The following ZNF761 variants were observed in gnomAD, a reference collection of about 807,000 sequenced individuals.
ZNF761 encodes zinc finger protein 761.
In ZNF761, 43 loss-of-function variants were observed where a neutral mutation model predicts 59.9. The observed-to-expected ratio is 0.72, with a 90% confidence interval of 0.56 to 0.92. ZNF761 has a LOEUF of 0.92. Ranked by LOEUF, ZNF761 falls within the 40% of genes least tolerant of loss-of-function variation. ZNF761 has a pLI of 0.00. For missense variants in ZNF761, 850 were observed against 906.1 expected, an observed-to-expected ratio of 0.94 and a Z score of 0.79; for synonymous variants, 294 against 304.8, an observed-to-expected ratio of 0.96 and a Z score of 0.37.
At position 53,450,992 on chromosome 19, in the gene ZNF761, C is replaced by CAAA. The variant is rs34019664; in HGVS notation, c.142+1369_142+1371dup. On this transcript the variant is annotated intron_variant, in intron 4 of 4. Coordinates refer to ENST00000684525, the MANE Select transcript of ZNF761 (RefSeq NM_001289951.2). ...TGGGCGATAGCACGAGACTCTGTCT[C>CAAA]AAAAAAAAAAAAAAAAATTCCATAA... 5.7e-5 allele frequency among the ~76,000 whole-genome samples: 7 copies of CAAA among 122,006 alleles called. No homozygotes were observed. The South Asian group carries it at 1.2e-3, about 20-fold the overall frequency. The allele number at this position is 122,006 out of a possible 152,430, so 80.0% of individuals were successfully genotyped here.
chr19:53,444,728 T>C (rs1269022667), intron 1 of ZNF761: 3 of 152,230 alleles, frequency 2.0e-5, no homozygotes, highest in Non-Finnish European at 4.4e-5. Context: ...TGATGAGAAA[T>C]AGCCACAGGT....
Position 53,447,431 on chromosome 19 carries a change from C to T in ZNF761, c.15+148C>T, listed in dbSNP as rs1461183714. ...TGCCTTCCCTCAGTCCCTCTTATCT[C>T]GCTTAGATTCCATCTCTCGTGATCC... On this transcript the variant is annotated intron_variant, in intron 3 of 4. Transcript: ENST00000684525. 9.0e-6 allele frequency: 11 copies of T among 1,216,104 alleles called. No homozygotes were observed. The East Asian group carries it at 1.9e-4, about 21-fold the overall frequency. The allele number at this position is 1,216,104 out of a possible 1,614,324, so 75.3% of individuals were successfully genotyped here.
intron 1 of ZNF761, among the ~76,000 whole-genome samples, chr19:53,438,581 C>T (rs1392174213): frequency 6.6e-6 from 1 of 152,148 alleles, no homozygotes; most frequent in Non-Finnish European, 1.5e-5. Flanking sequence ...GGCTCCTTTT[C>T]CCCTCCTTTT....
At position 53,455,405 on chromosome 19, in the gene ZNF761, T is replaced by G; in HGVS notation, c.898T>G (p.Cys300Gly). ...TCATACTGGAGAGAAACCTTACAAA[T>G]GTGAAGAATGTGACAAAGCTTTCCA... ...RLHTGEKPYK[C>G]EECDKAFHFK... Residue 300 changes from cysteine to glycine, a missense_variant, in exon 5 of 5, where the codon TGT (cysteine) becomes GGT (glycine). By Grantham distance (159) the Cys-to-Gly change is radical (BLOSUM62 -3). Transcript: ENST00000684525. 2 of 1,613,702 alleles carry G rather than the reference T, an allele frequency of 1.2e-6. No individual in the cohort carries two copies. Among genetic ancestry groups the G allele is most frequent in the Non-Finnish European group, 1.7e-6 (2 of 1,179,944 alleles).
chr19:53,444,736 G>A (rs2086137202), intron 1 of ZNF761: 1 of 152,264 alleles, frequency 6.6e-6, no homozygotes, highest in African/African-American at 2.4e-5. Flanking sequence ...AATAGCCACA[G>A]GTGTGGAGGG....
rs1233225266 is a variant in ZNF761, at chr19:53,457,132, C to G, written c.*384C>G. 4 of 527,024 alleles carry G rather than the reference C, an allele frequency of 7.6e-6. No homozygotes were observed. The highest frequency in any genetic ancestry group is 1.5e-5 in the Non-Finnish European group (4 of 274,544). 32.6% of individuals were successfully genotyped at this position (527,024 alleles called of 1,614,324 possible). The stretch of plus-strand genomic sequence containing the variant: ...CAGTCAACACTTGTTTACCGTCAGG[C>G]AATCCATGGTGTAGGGAAACTTTAC... On this transcript the variant is annotated 3_prime_UTR_variant, in exon 5 of 5. Coordinates refer to ENST00000684525, the MANE Select transcript of ZNF761 (RefSeq NM_001289951.2).
Position 53,455,639 on chromosome 19 carries a change from G to A in ZNF761, c.1132G>A (p.Gly378Arg). 6.2e-7 allele frequency: 1 copy of A among 1,613,560 alleles called. No individual in the cohort carries two copies. The highest frequency in any genetic ancestry group is 8.5e-7 in the Non-Finnish European group (1 of 1,179,922). Residue 378 changes from glycine to arginine, a missense_variant, in exon 5 of 5, where the codon GGA becomes AGA. By Grantham distance (125) the Gly-to-Arg change is moderately radical (BLOSUM62 -2). Coordinates refer to ENST00000684525, the MANE Select transcript of ZNF761 (RefSeq NM_001289951.2). ...TACATGCCATCATAGACTTCATACT[G>A]GAGAGAAACCCTACAAATGTAATGA... ...SLTCHHRLHTGEKPYKCNECG... is the reference protein window; with the variant it reads ...SLTCHHRLHTREKPYKCNECG...
chr19:53,432,645 C>T (rs1225485757), intron 1 of ZNF761, among the ~76,000 whole-genome samples: 1 of 152,148 alleles, frequency 6.6e-6, no homozygotes, highest in East Asian at 1.9e-4. Context: ...ACTCCAAACC[C>T]TCCTGTGACT....
chr19:53,437,179 G>C (rs11667728), intron 1 of ZNF761, among the ~76,000 whole-genome samples: 1 of 151,970 alleles, frequency 6.6e-6, no homozygotes, highest in Non-Finnish European at 1.5e-5. Flanking sequence ...ATAGCCAGTC[G>C]TGTTGGCAGG....
In ZNF761 at chr19:53,457,453, A is replaced by G; in HGVS notation, c.*705A>G. On this transcript the variant is annotated 3_prime_UTR_variant, in exon 5 of 5. Transcript: ENST00000684525. ...CAAAGCCTTCACTTCACACCTCATG[A>G]GACATCAGAGAATGCATACTGGACA... The G allele has an allele frequency of 4.9e-6, 2 of 406,374 alleles. No homozygotes were observed. Among genetic ancestry groups the G allele is most frequent in the Non-Finnish European group, 9.8e-6 (2 of 203,650 alleles). 25.2% of individuals were successfully genotyped at this position (406,374 alleles called of 1,614,324 possible).
At chr19:53,453,001 C>T (rs2086234346) in intron 4 of ZNF761, among the ~76,000 whole-genome samples, 1 of 152,076 alleles carries the variant, frequency 6.6e-6, no homozygotes. Flanking sequence ...TCCCAGTGCA[C>T]ATTCTGTGTT....
intron 1 of ZNF761, among the ~76,000 whole-genome samples, chr19:53,439,425 C>A (rs113568784): frequency 6.6e-6 from 1 of 151,936 alleles, no homozygotes; most frequent in Non-Finnish European, 1.5e-5. Flanking sequence ...CCTGCCTCAG[C>A]CTCCCGAATA....
chr19:53,439,933 G>C (rs2086081200), intron 1 of ZNF761, among the ~76,000 whole-genome samples: 1 of 152,124 alleles, frequency 6.6e-6, no homozygotes, highest in South Asian at 2.1e-4. Context: ...AGCTAAACCA[G>C]GTGGGTTGTC....
At chr19:53,448,678 T>A (rs147874278) in intron 3 of ZNF761, among the ~76,000 whole-genome samples, 4,140 of 151,962 alleles carry the variant, frequency 0.027, 215 homozygotes, top group African/African-American at 0.094. Context: ...GACGTGATCT[T>A]AGCTCACTGC....
intron 1 of ZNF761, among the ~76,000 whole-genome samples, chr19:53,436,702 C>T (rs2086045646): frequency 6.6e-6 from 1 of 152,176 alleles, no homozygotes; most frequent in African/African-American, 2.4e-5. Context: ...AATGCTGGCC[C>T]ATTGTCTGAC....
chr19:53,456,604 T>C lies in ZNF761; in HGVS notation c.2097T>C (p.Phe699=), dbSNP rs761761504. The change falls in exon 5 of 5, where the codon TTT becomes TTC. Residue 699 remains phenylalanine, a synonymous_variant. Coordinates refer to ENST00000684525, the MANE Select transcript of ZNF761 (RefSeq NM_001289951.2). ...AGTGTAATGAGTGTGGCAAGAACTT[T>C]AGTCAGAAGTCATCCCTTATATGCC... The part of the protein sequence containing the change: ...PYKCNECGKN[F]SQKSSLICHH... The C allele has an allele frequency of 6.2e-7, 1 of 1,612,064 alleles. No homozygotes were observed. Among genetic ancestry groups the C allele is most frequent in the Admixed American group, 1.7e-5 (1 of 59,802 alleles).
intron 3 of ZNF761, among the ~76,000 whole-genome samples, chr19:53,448,097 G>T (rs2086180184): frequency 6.6e-6 from 1 of 152,174 alleles, no homozygotes; most frequent in Non-Finnish European, 1.5e-5. Context: ...CACCTTCCGG[G>T]TTCAAGTGAT....
At chr19:53,454,154 C>T (rs1432432937) in intron 4 of ZNF761, among the ~76,000 whole-genome samples, 1 of 152,092 alleles carries the variant, frequency 6.6e-6, no homozygotes, top group Non-Finnish European at 1.5e-5. Context: ...GTAATCTTTT[C>T]TTGTCTTCTC....
intron 4 of ZNF761, among the ~76,000 whole-genome samples, chr19:53,452,716 G>A (rs1600097643): frequency 6.6e-6 from 1 of 152,198 alleles, no homozygotes; most frequent in East Asian, 1.9e-4. Context: ...CCATCTTCCT[G>A]CCGTGTCCTG....
Sources: allele counts gnomAD v4.1 joint callset (sites outside exome capture counted in the v4.1 genomes callset), GRCh38; gene constraint gnomAD v4.1.1; transcripts MANE v1.5; gene names NCBI Gene and HGNC (gene_info 2026-07-23, HGNC 2026-07-21).